ECT2: variants seen among roughly 807,000 people sequenced by gnomAD.
The protein encoded by ECT2 is protein ECT2.
In ECT2, 61 loss-of-function variants were observed where a neutral mutation model predicts 116.9. The ratio of observed to expected loss-of-function variants is 0.52; its 90% CI spans 0.42 to 0.65. The LOEUF (loss-of-function observed/expected upper bound fraction) is 0.65. Ranked by LOEUF, ECT2 falls within the 30% of genes least tolerant of loss-of-function variation. The pLI is 0.00. For synonymous variants in ECT2, 358 were observed against 346.4 expected, an observed-to-expected ratio of 1.03 and a Z score of -0.37; for missense variants, 937 against 1,078.7, an observed-to-expected ratio of 0.87 and a Z score of 1.84.
intron 8 of ECT2, among the ~76,000 whole-genome samples, 174 bp downstream of exon 8, chr3:172,761,857 A>AT (rs892097131): frequency 2.0e-5 from 3 of 152,142 alleles, no homozygotes; most frequent in African/African-American, 7.2e-5. Context: ...AAAATTAAAA[A>AT]TTGAAAGATA....
chr3:172,761,667 G>A lies in ECT2; in HGVS notation c.742G>A (p.Glu248Lys), dbSNP rs1316202592. 6.2e-7 allele frequency: 1 copy of A among 1,609,962 alleles called. No individual in the cohort carries two copies. Among genetic ancestry groups the A allele is most frequent in the East Asian group, 2.2e-5 (1 of 44,680 alleles). The change falls in exon 8 of 25, where the codon GAA (glutamate) becomes AAA (lysine). Residue 248 changes from glutamate to lysine, a missense_variant. By Grantham distance (56) the Glu-to-Lys change is moderately conservative. Transcript: ENST00000392692. ...GCCAGAATGGATTTATAAAGCTTGG[G>A]AAAGGCGGAATGAACAGTAAGTGTT... ...MKPEWIYKAW[E>K]RRNEQDFYAA... is the part of the protein sequence containing the mutation.
chr3:172,807,516 T>C (rs992432930), intron 21 of ECT2, among the ~76,000 whole-genome samples: 1 of 152,202 alleles, frequency 6.6e-6, no homozygotes, highest in Non-Finnish European at 1.5e-5. Flanking sequence ...TTAAATGACA[T>C]GGATAATACT....
chr3:172,823,053 CAG>C (rs1553774215), downstream of ECT2, among the ~76,000 whole-genome samples: 10 of 152,056 alleles, frequency 6.6e-5, no homozygotes, highest in South Asian at 6.2e-4. Flanking sequence ...AAAATTCTCA[CAG>C]AGCGTTATAG....
chr3:172,803,252 T>C (rs1384076686), intron 20 of ECT2, among the ~76,000 whole-genome samples: 2 of 152,318 alleles, frequency 1.3e-5, no homozygotes, highest in African/African-American at 2.4e-5. Flanking sequence ...GGTCAAGAAA[T>C]CTGATAACTT....
Position 172,802,979 on chromosome 3 carries a change from A to C in ECT2, c.2105A>C (p.Glu702Ala). 1 of 1,609,662 alleles carries C rather than the reference A, an allele frequency of 6.2e-7. No individual in the cohort carries two copies. Among genetic ancestry groups the C allele is most frequent in the Non-Finnish European group, 8.5e-7 (1 of 1,178,476 alleles). The change falls in exon 20 of 25, where the codon GAG becomes GCG. Residue 702 changes from glutamate (E) to alanine (A), a missense_variant and splice_region_variant. Glu to Ala is a moderately radical substitution (Grantham distance 107). Transcript: ENST00000392692. ...CTCTTCCTCTTCAATGATTGCCTAG[A>C]GGTAAAGATGTACTTCACATAGTAT... ...VTLFLFNDCLEIARKRHKVIG... is the reference protein window; with the variant it reads ...VTLFLFNDCLAIARKRHKVIG...
Position 172,799,374 on chromosome 3 carries a change from A to AT in ECT2, c.1908-3235dup, listed in dbSNP as rs1726297617. Among the ~76,000 whole-genome samples, 7 of 152,290 alleles carry AT rather than the reference A, an allele frequency of 4.6e-5. No homozygotes were observed. The South Asian group carries it at 6.2e-4, about 14-fold the overall frequency. ...ACTGCAAACCAGGGCAAGAAGTGAC[A>AT]TTTTTTTAATGCTGTAGACAGCCTT... On this transcript the variant is annotated intron_variant, in intron 18 of 24. Coordinates refer to ENST00000392692, the MANE Select transcript of ECT2 (RefSeq NM_001258315.2).
intron 5 of ECT2, among the ~76,000 whole-genome samples, chr3:172,758,470 C>CACACACA (rs766159887): frequency 6.6e-6 from 1 of 151,106 alleles, no homozygotes; most frequent in African/African-American, 2.4e-5. Flanking sequence ...CTCTTTTATA[C>CACACACA]ACACACACAC....
the ECT2 span, among the ~76,000 whole-genome samples, chr3:172,827,995 T>C: frequency 6.6e-6 from 1 of 152,192 alleles, no homozygotes; most frequent in African/African-American, 2.4e-5. Flanking sequence ...AAAGATGATA[T>C]GATTGCTTAG....
At chr3:172,827,685 G>C in the ECT2 span, among the ~76,000 whole-genome samples, 12 of 152,164 alleles carry the variant, frequency 7.9e-5, no homozygotes, top group Admixed American at 7.9e-4. Flanking sequence ...GATACAGTTA[G>C]ATAGAAGGAA....
At chr3:172,807,366 C>A (rs371389666) in intron 21 of ECT2, among the ~76,000 whole-genome samples, 1 of 152,088 alleles carries the variant, frequency 6.6e-6, no homozygotes, top group Non-Finnish European at 1.5e-5. Flanking sequence ...CCCACAGATA[C>A]GGAAGGCTGA....
chr3:172,767,400 C>T (rs1719670335), intron 12 of ECT2, among the ~76,000 whole-genome samples: 1 of 152,118 alleles, frequency 6.6e-6, no homozygotes, highest in Admixed American at 6.5e-5. Flanking sequence ...GAGATGGCAC[C>T]ACTGCACTCC....
rs558356657 is a variant in ECT2, at chr3:172,801,817, A to AT, written c.1908-792dup. The stretch of plus-strand genomic sequence containing the variant: ...CCCTTGTTTCTTTGTATTTTGACCA[A>AT]TTTTTTTAGTTGTTTCAGTCAGAAA... On this transcript the variant is annotated intron_variant, in intron 18 of 24. Coordinates refer to ENST00000392692, the MANE Select transcript of ECT2 (RefSeq NM_001258315.2). Among the ~76,000 whole-genome samples the AT allele has an allele frequency of 1.3e-4, 20 of 152,180 alleles. No homozygotes were observed. In the South Asian group the frequency reaches 3.9e-3, roughly 30 times the overall value.
At chr3:172,778,865 G>C (rs1722224154) in intron 14 of ECT2, among the ~76,000 whole-genome samples, 1 of 152,080 alleles carries the variant, frequency 6.6e-6, no homozygotes, top group Admixed American at 6.6e-5. Flanking sequence ...AAAGTGCTGG[G>C]ATTACAGGCA....
intron 6 of ECT2, 93 bp from the exon 7 acceptor site, chr3:172,760,063 A>G: frequency 1.6e-6 from 1 of 625,240 alleles, no homozygotes; most frequent in Non-Finnish European, 2.6e-6. Flanking sequence ...ATAAATAGAA[A>G]GTATTTAGCA....
At chr3:172,828,171 G>T in the ECT2 span, among the ~76,000 whole-genome samples, 1 of 152,030 alleles carries the variant, frequency 6.6e-6, no homozygotes, top group African/African-American at 2.4e-5. Flanking sequence ...TCTAATAAAA[G>T]ATACACAAAA....
chr3:172,760,060 G>C (rs1377603857), intron 6 of ECT2, 96 bp from the exon 7 acceptor site: 3 of 613,806 alleles, frequency 4.9e-6, no homozygotes, highest in East Asian at 6.4e-5. Flanking sequence ...TTTATAAATA[G>C]AAAGTATTTA....
At chr3:172,768,977 A>C (rs771383559) in intron 12 of ECT2, 30 bp from the exon 13 acceptor site, 3 of 1,562,142 alleles carry the variant, frequency 1.9e-6, no homozygotes, top group African/African-American at 1.4e-5. Context: ...TTTGGCTTCC[A>C]TTAAATCTTT....
At chr3:172,828,491 T>C in the ECT2 span, among the ~76,000 whole-genome samples, 3 of 152,102 alleles carry the variant, frequency 2.0e-5, no homozygotes, top group Admixed American at 6.5e-5. Flanking sequence ...TATAGAGCTG[T>C]AGTAATCAAA....
intron 18 of ECT2, among the ~76,000 whole-genome samples, chr3:172,792,632 G>C (rs760728123): frequency 6.6e-6 from 1 of 152,074 alleles, no homozygotes; most frequent in African/African-American, 2.4e-5. Context: ...GTGAAAATTT[G>C]TGAACAAGCT....
Sources: allele counts gnomAD v4.1 joint callset (sites outside exome capture counted in the v4.1 genomes callset), GRCh38; gene constraint gnomAD v4.1.1; transcripts MANE v1.5; gene names NCBI Gene and HGNC (gene_info 2026-07-23, HGNC 2026-07-21).